Variants in RPL36A observed in about 807,000 individuals in gnomAD.
RPL36A encodes ribosomal protein L36a, also known as large ribosomal subunit protein eL42.
For synonymous variants in RPL36A, 25 were observed against 28.5 expected, an observed-to-expected ratio of 0.88 and a Z score of 0.39; for missense variants, 20 against 81.0, an observed-to-expected ratio of 0.25 and a Z score of 2.89.
At chrX:101,391,196 G>C (rs1453941116) in intron 1 of RPL36A, 150 bp downstream of exon 1, 1 of 679,946 alleles carries the variant, frequency 1.5e-6, no homozygotes, top group African/African-American at 2.2e-5. Flanking sequence ...TAAAGGGACC[G>C]GGCTACGGGG....
intron 3 of RPL36A, chrX:101,393,433 G>A (rs782299823): frequency 1.8e-5 from 2 of 111,923 alleles, no homozygotes; most frequent in South Asian, 3.7e-4. Flanking sequence ...TTGATAGCAC[G>A]ACAGCGTGAC....
intron 4 of RPL36A, 131 bp from the exon 5 acceptor site, chrX:101,395,595 CTT>C (rs1927996424): frequency 9.2e-7 from 1 of 1,092,770 alleles, no homozygotes; most frequent in Admixed American, 2.5e-5. Context: ...TATGTGAGGT[CTT>C]TTGCTACAAG....
chrX:101,396,048 A>G lies in RPL36A; in HGVS notation c.*300A>G, dbSNP rs1928015010. ...AGACACATTTCAGGCTAATAGGGAG[A>G]AGTCAGTAACACATTCATAGTGAAT... On this transcript the variant is annotated 3_prime_UTR_variant, in exon 5 of 5. Transcript: ENST00000553110. 3.4e-6 allele frequency: 1 copy of G among 295,867 alleles called. No individual in the cohort carries two copies. The highest frequency in any genetic ancestry group is 5.9e-6 in the Non-Finnish European group (1 of 170,607). The allele number at this position is 295,867 out of a possible 1,213,427, so 24.4% of individuals were successfully genotyped here.
Position 101,395,839 on chromosome X carries a change from A to C in RPL36A, c.*91A>C. The C allele has an allele frequency of 3.4e-6, 3 of 881,266 alleles. No homozygotes were observed. The highest frequency in any genetic ancestry group is 4.9e-6 in the Non-Finnish European group (3 of 617,863). 72.6% of individuals were successfully genotyped at this position (881,266 alleles called of 1,213,427 possible). A position where few individuals can be genotyped will look rare whatever the true frequency, so the allele number is the denominator to read the frequency against. On this transcript the variant is annotated 3_prime_UTR_variant, in exon 5 of 5. Transcript: ENST00000553110. ...CATCTTTTGGGAGGGAATAAGCTAG[A>C]GCCATCAATACAATTCCGCTTGTGG...
chrX:101,391,859 T>C, intron 3 of RPL36A, 37 bp downstream of exon 3: 7 of 1,203,168 alleles, frequency 5.8e-6, no homozygotes, highest in African/African-American at 1.7e-5. Flanking sequence ...TCCCAGTTAA[T>C]TGCCGTAAGG....
rs782333495 is a variant in RPL36A, at chrX:101,395,911, G to A, written c.*163G>A. On this transcript the variant is annotated 3_prime_UTR_variant, in exon 5 of 5. Transcript: ENST00000553110. ...GTACTACTTGTTTTGCATTGAAGCT[G>A]ACTGGTTGAGTTCACATCATATGTT... is the stretch of plus-strand genomic sequence containing the variant. 2 of 475,162 alleles carry A rather than the reference G, an allele frequency of 4.2e-6. No homozygotes were observed. Among genetic ancestry groups the A allele is most frequent in the East Asian group, 7.4e-5 (2 of 26,929 alleles). 39.2% of individuals were successfully genotyped at this position (475,162 alleles called of 1,213,427 possible). A position where few individuals can be genotyped will look rare whatever the true frequency, so the allele number is the denominator to read the frequency against.
intron 3 of RPL36A, 143 bp from the exon 4 acceptor site, chrX:101,395,191 AT>A (rs1218274763): frequency 1.3e-5 from 7 of 547,182 alleles, no homozygotes; most frequent in African/African-American, 1.2e-4. Context: ...ACTGAGTACT[AT>A]TTAAAGCAAA....
chrX:101,391,741 A>T lies in RPL36A; in HGVS notation c.110-14A>T. ...CTTCAGTATTTTATAACAAATACCA[A>T]TTCGTTTTCCCAGGAAAGCGGCGTT... On this transcript the variant is annotated splice_polypyrimidine_tract_variant and intron_variant, in intron 2 of 4. Transcript: ENST00000553110. 2 of 1,210,810 alleles carry T rather than the reference A, an allele frequency of 1.7e-6. No homozygotes were observed. Among genetic ancestry groups the T allele is most frequent in the Non-Finnish European group, 2.2e-6 (2 of 895,249 alleles).
chrX:101,395,808 GC>G lies in RPL36A; in HGVS notation c.*61del, dbSNP rs2040625653. The G allele has an allele frequency of 9.2e-7, 1 of 1,083,233 alleles. No individual in the cohort carries two copies. The highest frequency in any genetic ancestry group is 1.3e-6 in the Non-Finnish European group (1 of 788,305). 89.3% of individuals were successfully genotyped at this position (1,083,233 alleles called of 1,213,427 possible). ...GAGTTTATGTTCACTTCATTTGTTT[GC>G]TGTTCATCTTTTGGGAGGGAATAAG... On this transcript the variant is annotated 3_prime_UTR_variant, in exon 5 of 5. Coordinates refer to ENST00000553110, the MANE Select transcript of RPL36A (RefSeq NM_021029.6).
intron 3 of RPL36A, chrX:101,392,256 T>G: frequency 1.1e-6 from 1 of 901,202 alleles, no homozygotes; most frequent in South Asian, 2.7e-5. Context: ...TCTTATAGAA[T>G]AGCCATTTAG....
intron 3 of RPL36A, chrX:101,392,250 A>G (rs1288065035): frequency 3.3e-6 from 3 of 905,966 alleles, no homozygotes; most frequent in Admixed American, 4.7e-5. Flanking sequence ...TAAAACTCTT[A>G]TAGAATAGCC....
chrX:101,395,933 T>C lies in RPL36A; in HGVS notation c.*185T>C. The stretch of plus-strand genomic sequence containing the variant: ...GCTGACTGGTTGAGTTCACATCATA[T>C]GTTGCAATTTTCTAATTTGGCACTT... On this transcript the variant is annotated 3_prime_UTR_variant, in exon 5 of 5. Coordinates refer to ENST00000553110, the MANE Select transcript of RPL36A (RefSeq NM_021029.6). The C allele has an allele frequency of 2.3e-6, 1 of 436,208 alleles. No individual in the cohort carries two copies. Among genetic ancestry groups the C allele is most frequent in the East Asian group, 3.8e-5 (1 of 26,132 alleles). 35.9% of individuals were successfully genotyped at this position (436,208 alleles called of 1,213,427 possible).
intron 4 of RPL36A, 56 bp from the exon 5 acceptor site, chrX:101,395,672 A>C: frequency 8.5e-7 from 1 of 1,175,326 alleles, no homozygotes; most frequent in Non-Finnish European, 1.2e-6. Flanking sequence ...TAATGTTCTT[A>C]ATGGGGCAGT....
In RPL36A at chrX:101,391,915, C is replaced by T; in HGVS notation, c.177+93C>T. Reference sequence around the variant, plus strand: ...CACACACTTCATGATATAGGTATAGCGTTAGTTTAGCGAAGTTTTCACTGC... The same window carrying T: ...CACACACTTCATGATATAGGTATAGTGTTAGTTTAGCGAAGTTTTCACTGC... On this transcript the variant is annotated intron_variant, in intron 3 of 4. Coordinates refer to ENST00000553110, the MANE Select transcript of RPL36A (RefSeq NM_021029.6). 2.5e-6 allele frequency: 3 copies of T among 1,191,578 alleles called. No individual in the cohort carries two copies. In the South Asian group the frequency reaches 5.6e-5, roughly 22 times the overall value.
At chrX:101,394,734 TTA>T (rs1301793858) in intron 3 of RPL36A, among the ~76,000 whole-genome samples, 2 of 101,231 alleles carry the variant, frequency 2.0e-5, no homozygotes, top group Non-Finnish European at 3.9e-5. Flanking sequence ...ATATTATATA[TTA>T]TATATATTTT....
intron 2 of RPL36A, 81 bp downstream of exon 2, chrX:101,391,645 C>G (rs1555983440): frequency 8.4e-7 from 1 of 1,192,740 alleles, no homozygotes; most frequent in African/African-American, 1.8e-5. Context: ...CTCTCTCCCT[C>G]CACGCCTGGC....
Position 101,391,037 on chromosome X carries a change from C to T in RPL36A, c.-7C>T, listed in dbSNP as rs782201953. On this transcript the variant is annotated 5_prime_UTR_variant, in exon 1 of 5. In the 5' UTR this introduces an upstream ATG that the reference lacks. Coordinates refer to ENST00000553110, the MANE Select transcript of RPL36A (RefSeq NM_021029.6). ...TTTCTTTCCGCGCCGATAGCGCTCA[C>T]GCAAGCATGGTAGGACTTGCTGGTG... The T allele has an allele frequency of 7.4e-6, 9 of 1,212,003 alleles. No individual in the cohort carries two copies. The highest frequency in any genetic ancestry group is 6.5e-5 in the Admixed American group (3 of 46,114).
At chrX:101,394,322 C>CA (rs79559035) in intron 3 of RPL36A, among the ~76,000 whole-genome samples, 6,237 of 56,956 alleles carry the variant, frequency 0.11, 581 homozygotes, top group African/African-American at 0.31. Context: ...AACTCCATCT[C>CA]AAAAAAAAAA....
At chrX:101,395,298 A>G in intron 3 of RPL36A, 37 bp from the exon 4 acceptor site, 2 of 1,147,599 alleles carry the variant, frequency 1.7e-6, no homozygotes, top group Non-Finnish European at 2.3e-6. Flanking sequence ...GATCTTCTGT[A>G]GTTATTTATT....
Sources: allele counts gnomAD v4.1 joint callset (sites outside exome capture counted in the v4.1 genomes callset), GRCh38; gene constraint gnomAD v4.1.1; transcripts MANE v1.5; gene names NCBI Gene and HGNC (gene_info 2026-07-23, HGNC 2026-07-21).